PTPRD: variants seen among roughly 807,000 people sequenced by gnomAD.
PTPRD encodes protein tyrosine phosphatase receptor type D, also known as receptor-type tyrosine-protein phosphatase delta.
PTPRD carries 34 observed loss-of-function variants against 214.5 expected under a neutral mutation model. The observed-to-expected ratio is 0.16, with a 90% confidence interval of 0.12 to 0.21. The LOEUF (loss-of-function observed/expected upper bound fraction) is 0.21, where lower values mean the gene tolerates loss of function less well. Ranked by LOEUF, PTPRD falls within the 10% of genes least tolerant of loss-of-function variation. The pLI is 1.00. For missense variants in PTPRD, 2,545 were observed against 2,398.7 expected, an observed-to-expected ratio of 1.06 and a Z score of -1.27; for synonymous variants, 1,128 against 845.7, an observed-to-expected ratio of 1.33 and a Z score of -5.79.
intron 3 of PTPRD, among the ~76,000 whole-genome samples, chr9:10,231,905 T>G (rs1235407763): frequency 1.3e-5 from 2 of 150,300 alleles, no homozygotes; most frequent in African/African-American, 4.9e-5. Context: ...CTCTTGGTAG[T>G]GAATTATCTT....
At chr9:9,019,219 A>G (rs1472238817) in intron 10 of PTPRD, among the ~76,000 whole-genome samples, 1 of 151,892 alleles carries the variant, frequency 6.6e-6, no homozygotes, top group Non-Finnish European at 1.5e-5. Flanking sequence ...GATTTTTATT[A>G]TAGAAAGACA....
intron 12 of PTPRD, among the ~76,000 whole-genome samples, chr9:8,731,159 C>T (rs1460666813): frequency 6.6e-6 from 1 of 152,194 alleles, no homozygotes; most frequent in African/African-American, 2.4e-5. Flanking sequence ...TTCTATACAG[C>T]AGATTATAAC....
At chr9:9,933,362 A>G (rs1023487772) in intron 5 of PTPRD, among the ~76,000 whole-genome samples, 24 of 152,024 alleles carry the variant, frequency 1.6e-4, no homozygotes, top group African/African-American at 5.1e-4. Flanking sequence ...ACACAGGCTC[A>G]AAATAAAAGG....
At chr9:8,411,251 T>A (rs1002802823) in intron 35 of PTPRD, among the ~76,000 whole-genome samples, 25 of 152,062 alleles carry the variant, frequency 1.6e-4, no homozygotes, top group African/African-American at 6.0e-4. Context: ...ATTAAAGATT[T>A]AAATAACTAG....
intron 9 of PTPRD, among the ~76,000 whole-genome samples, chr9:9,188,431 A>G (rs531753238): frequency 6.6e-4 from 100 of 152,234 alleles, no homozygotes; most frequent in African/African-American, 2.3e-3. Context: ...TCAATAGATA[A>G]TGCCAAACTG....
chr9:8,920,787 G>C (rs1357260366), intron 11 of PTPRD, among the ~76,000 whole-genome samples: 4 of 151,662 alleles, frequency 2.6e-5, no homozygotes, highest in Non-Finnish European at 2.9e-5. Context: ...TTCCTAAGAA[G>C]CTTCTCCATT....
At chr9:9,781,834 C>T (rs549725972) in intron 5 of PTPRD, among the ~76,000 whole-genome samples, 71 of 151,534 alleles carry the variant, frequency 4.7e-4, no homozygotes, top group African/African-American at 1.7e-3. Flanking sequence ...GCTCTGTCGC[C>T]CAGGCTGGAG....
In PTPRD at chr9:10,181,280, T is replaced by C. The variant is rs555523696; in HGVS notation, c.-544-147490A>G. On this transcript the variant is annotated intron_variant, in intron 3 of 45. Coordinates refer to ENST00000381196, the MANE Select transcript of PTPRD (RefSeq NM_002839.4). Reference sequence around the variant, plus strand: ...TATCATTTGCAATAAAAAGAGAAACTACAACAAAGCTTTTTAAAAATTCTA... The same window carrying C: ...TATCATTTGCAATAAAAAGAGAAACCACAACAAAGCTTTTTAAAAATTCTA... 2.4e-4 allele frequency among the ~76,000 whole-genome samples: 36 copies of C among 152,086 alleles called. No individual in the cohort carries two copies. The Middle Eastern group carries it at 0.02, about 86-fold the overall frequency.
At chr9:10,039,710 T>C (rs983363268) in intron 3 of PTPRD, among the ~76,000 whole-genome samples, 2 of 131,960 alleles carry the variant, frequency 1.5e-5, no homozygotes, top group East Asian at 2.5e-4. Context: ...TTGTACTACA[T>C]GAATTCTAAG....
intron 10 of PTPRD, among the ~76,000 whole-genome samples, chr9:9,147,897 G>A (rs1387670807): frequency 6.6e-6 from 1 of 152,166 alleles, no homozygotes; most frequent in East Asian, 1.9e-4. Flanking sequence ...AAATTATGGA[G>A]GAAGGCAGTT....
At chr9:9,846,221 C>G (rs755915072) in intron 5 of PTPRD, among the ~76,000 whole-genome samples, 3 of 152,054 alleles carry the variant, frequency 2.0e-5, no homozygotes, top group Admixed American at 6.6e-5. Context: ...GATTGTAGAT[C>G]TTTACACCTG....
intron 3 of PTPRD, among the ~76,000 whole-genome samples, chr9:10,325,931 T>A (rs975718720): frequency 6.6e-6 from 1 of 151,838 alleles, no homozygotes. Flanking sequence ...CTGTAATAAT[T>A]TTTTTATGTA....
chr9:8,394,095 C>T (rs2090412017), intron 36 of PTPRD, among the ~76,000 whole-genome samples: 1 of 151,610 alleles, frequency 6.6e-6, no homozygotes, highest in South Asian at 2.1e-4. Flanking sequence ...CTGTTGATTG[C>T]TAGTTACAGT....
intron 39 of PTPRD, among the ~76,000 whole-genome samples, chr9:8,342,417 A>T (rs1399718934): frequency 2.0e-5 from 3 of 152,102 alleles, no homozygotes; most frequent in Non-Finnish European, 4.4e-5. Flanking sequence ...CAAAACATAA[A>T]GATTGTTTTT....
chr9:8,782,947 C>CG (rs1343781501), intron 11 of PTPRD, among the ~76,000 whole-genome samples: 4 of 151,978 alleles, frequency 2.6e-5, no homozygotes, highest in Non-Finnish European at 5.9e-5. Flanking sequence ...AGAAAAGCTC[C>CG]AAATAGGTAA....
chr9:9,358,388 A>G (rs78910351), intron 9 of PTPRD, among the ~76,000 whole-genome samples: 1,685 of 151,484 alleles, frequency 0.011, 30 homozygotes, highest in African/African-American at 0.039. Context: ...ATGAAATCAG[A>G]AAAGAATATA....
intron 37 of PTPRD, among the ~76,000 whole-genome samples, chr9:8,381,538 T>A (rs962780739): frequency 9.2e-5 from 14 of 152,208 alleles, no homozygotes. Flanking sequence ...TATTCCCCCA[T>A]TTTATTATAT....
chr9:8,467,425 TTC>T, intron 31 of PTPRD, among the ~76,000 whole-genome samples: 1 of 151,954 alleles, frequency 6.6e-6, no homozygotes, highest in Admixed American at 6.6e-5. Flanking sequence ...CCAGACACTG[TTC>T]TAGGGATCCT....
chr9:8,814,247 G>C (rs1356886583), intron 11 of PTPRD, among the ~76,000 whole-genome samples: 1 of 152,160 alleles, frequency 6.6e-6, no homozygotes, highest in Non-Finnish European at 1.5e-5. Context: ...TAAAAGTAAA[G>C]AGCAGGGCAT....
Sources: gnomAD v4.1 joint callset for allele counts (sites outside exome capture counted in the v4.1 genomes callset) on GRCh38, gnomAD v4.1.1 for gene constraint, MANE v1.5 for transcripts, NCBI Gene and HGNC (gene_info 2026-07-23, HGNC 2026-07-21) for gene names.